The following VPS53 variants were observed in gnomAD, a reference collection of about 807,000 sequenced individuals.
VPS53 encodes vacuolar protein sorting-associated protein 53 homolog.
In VPS53, 70 loss-of-function variants were observed where a neutral mutation model predicts 107.0. That is an observed-to-expected ratio of 0.65 (90% CI 0.54 to 0.80). The LOEUF is 0.80. Among genes scored for constraint, VPS53 ranks in the 30% least tolerant of loss-of-function variants. VPS53 has a pLI of 0.00. For synonymous variants in VPS53, 409 were observed against 393.3 expected (o/e 1.04, Z -0.47); for missense variants, 917 against 1,049.4 (o/e 0.87, Z 1.74).
At chr17:587,976 C>T (rs1198723787) in intron 12 of VPS53, among the ~76,000 whole-genome samples, 1 of 152,204 alleles carries the variant, frequency 6.6e-6, no homozygotes. Context: ...TATCCACCAC[C>T]TCCCCAAGCC....
At chr17:581,552 T>A (rs1169180411) in intron 13 of VPS53, among the ~76,000 whole-genome samples, 1 of 149,812 alleles carries the variant, frequency 6.7e-6, no homozygotes, top group Non-Finnish European at 1.5e-5. Flanking sequence ...CTGAATGCAT[T>A]CCCAGAGAAC....
chr17:600,855 G>C (rs1968293414), intron 12 of VPS53: 1 of 152,226 alleles, frequency 6.6e-6, no homozygotes, highest in Admixed American at 6.5e-5. Flanking sequence ...ATTTAAAAGT[G>C]CAAAGGACTA....
rs1444545458 is a variant in VPS53 at position 655,904 on chromosome 17, T to C, written c.422A>G (p.His141Arg). 3 of 1,613,752 alleles carry C rather than the reference T, an allele frequency of 1.9e-6. No individual in the cohort carries two copies. The highest frequency in any genetic ancestry group is 8.5e-7 in the Non-Finnish European group (1 of 1,179,862). ...CAGTGTGGTGATTGAGGTGGTCAGG[T>C]GGCGTTTGGCGTGATCTAATTGCTT... is the stretch of plus-strand genomic sequence containing the variant. ...DIKQLDHAKRHLTTSITTLNH... is the reference protein window; with the variant it reads ...DIKQLDHAKRRLTTSITTLNH... The change falls in exon 6 of 22, where the codon CAC (histidine) becomes CGC (arginine). Residue 141 changes from histidine to arginine, a missense_variant. Physicochemically the swap from His to Arg is conservative, Grantham distance 29 (BLOSUM62 0). Transcript: ENST00000437048.
At chr17:555,146 C>A (rs928945231) in intron 15 of VPS53, among the ~76,000 whole-genome samples, 2 of 152,238 alleles carry the variant, frequency 1.3e-5, no homozygotes, top group Non-Finnish European at 2.9e-5. Context: ...ATCCAAATTC[C>A]TAACCATGAA....
intron 16 of VPS53, 108 bp downstream of exon 16, chr17:553,272 G>A: frequency 4.4e-6 from 4 of 912,510 alleles, no homozygotes; most frequent in South Asian, 4.4e-5. Context: ...GCTGTGTAGT[G>A]GAGAAAGGGC....
rs946995792 is a variant in VPS53, at chr17:520,219, T to C, written c.2224-289A>G. 2.0e-5 allele frequency among the ~76,000 whole-genome samples: 3 copies of C among 152,162 alleles called. No individual in the cohort carries two copies. The highest frequency in any genetic ancestry group is 2.9e-5 in the Non-Finnish European group (2 of 68,026). On this transcript the variant is annotated intron_variant, in intron 20 of 21. Coordinates refer to ENST00000437048, the MANE Select transcript of VPS53 (RefSeq NM_001128159.3). This position sits in a 1 kb window ranked among gnomAD's most constrained non-coding sequence, Gnocchi z 4.4. ...ATCCTAAATACACCTGCGCTGCTGT[T>C]TGAAGTATGGGTTTCCGGGGCCCTC...
intron 12 of VPS53, among the ~76,000 whole-genome samples, chr17:596,707 T>C (rs1402986124): frequency 6.6e-6 from 1 of 152,192 alleles, no homozygotes; most frequent in Non-Finnish European, 1.5e-5. Context: ...TCAGTTTAGA[T>C]AGTAGGTGCT....
At chr17:636,924 G>C (rs1054679845) in intron 7 of VPS53, among the ~76,000 whole-genome samples, 37 of 152,172 alleles carry the variant, frequency 2.4e-4, no homozygotes, top group Middle Eastern at 3.4e-3. Context: ...GGATGATGCT[G>C]GTCTCATAAA....
intron 17 of VPS53, among the ~76,000 whole-genome samples, chr17:542,162 C>T (rs1212146145): frequency 2.0e-5 from 3 of 152,234 alleles, no homozygotes; most frequent in Admixed American, 1.3e-4. Context: ...CTGTGCCTGA[C>T]ATTTTCACAT....
At chr17:634,849 T>C (rs552978610) in intron 7 of VPS53, among the ~76,000 whole-genome samples, 1 of 150,730 alleles carries the variant, frequency 6.6e-6, no homozygotes, top group East Asian at 1.9e-4. Context: ...AGTGCCGCAA[T>C]AAACATACGT....
At chr17:532,598 G>A (rs1909678015) in intron 19 of VPS53, 3 of 955,392 alleles carry the variant, frequency 3.1e-6, no homozygotes, top group Non-Finnish European at 4.2e-6. Context: ...ACTAGGAGCA[G>A]GGACCTTTCC....
At chr17:694,118 G>C (rs533716244) in intron 4 of VPS53, among the ~76,000 whole-genome samples, 6 of 152,184 alleles carry the variant, frequency 3.9e-5, no homozygotes, top group Non-Finnish European at 8.8e-5. Flanking sequence ...ACAAAGTGCT[G>C]GAAAAGACAG....
At chr17:660,341 C>T (rs749150619) in intron 5 of VPS53, among the ~76,000 whole-genome samples, 1 of 152,248 alleles carries the variant, frequency 6.6e-6, no homozygotes, top group South Asian at 2.1e-4. Flanking sequence ...CAGCACACTG[C>T]TGGCACTGAA....
At chr17:551,559 C>G in intron 17 of VPS53, 1 of 161,364 alleles carries the variant, frequency 6.2e-6, no homozygotes. Flanking sequence ...AGAGAGAGAC[C>G]CTGTCTCTAA....
rs561049336 is a variant in VPS53, at chr17:521,945, G to A, written c.2086-207C>T. Among the ~76,000 whole-genome samples, 14 of 152,246 alleles carry A rather than the reference G, an allele frequency of 9.2e-5. No homozygotes were observed. In the East Asian group the frequency reaches 2.7e-3, roughly 29 times the overall value. The stretch of plus-strand genomic sequence containing the variant: ...ACAACATCAAGGAGCCAGCCTATGT[G>A]TACGTATATAAAAAACTAAATCAGG... On this transcript the variant is annotated intron_variant, in intron 19 of 21. Transcript: ENST00000437048.
intron 13 of VPS53, among the ~76,000 whole-genome samples, chr17:584,357 G>A (rs1018106798): frequency 6.6e-6 from 1 of 152,208 alleles, no homozygotes; most frequent in Non-Finnish European, 1.5e-5. Context: ...GCCCCCTCAC[G>A]CACACAACGG....
intron 12 of VPS53, among the ~76,000 whole-genome samples, chr17:598,231 G>A (rs113740573): frequency 0.1 from 15,739 of 152,244 alleles, 885 homozygotes; most frequent in East Asian, 0.21. Flanking sequence ...CCGAGGTGCC[G>A]GGATTGCAGA....
chr17:664,801 G>A (rs1971612219), intron 4 of VPS53, among the ~76,000 whole-genome samples: 1 of 152,224 alleles, frequency 6.6e-6, no homozygotes, highest in Non-Finnish European at 1.5e-5. Flanking sequence ...GGGTTTCCAG[G>A]AAGGTACAAT....
At chr17:712,177 CTTT>C (rs35522489) in intron 1 of VPS53, among the ~76,000 whole-genome samples, 2,230 of 98,428 alleles carry the variant, frequency 0.023, 67 homozygotes, top group African/African-American at 0.084. Flanking sequence ...TGACTTTCGC[CTTT>C]TTTTTTTTTT....
Sources: allele counts gnomAD v4.1 joint callset (sites outside exome capture counted in the v4.1 genomes callset), GRCh38; gene constraint gnomAD v4.1.1; non-coding constraint Gnocchi (gnomAD v3.1); transcripts MANE v1.5; gene names NCBI Gene and HGNC (gene_info 2026-07-23, HGNC 2026-07-21).